Variants in LARGE1 observed in about 807,000 individuals in gnomAD.
LARGE1 encodes LARGE xylosyl- and glucuronyltransferase 1, also known as xylosyl- and glucuronyltransferase LARGE1.
Under a neutral mutation model 87.6 loss-of-function variants are expected in LARGE1, and 43 were observed. That is an observed-to-expected ratio of 0.49 (90% CI 0.38 to 0.63). The LOEUF (loss-of-function observed/expected upper bound fraction) is 0.63. Among genes scored for constraint, LARGE1 ranks in the 30% least tolerant of loss-of-function variants. LARGE1 has a pLI of 0.00. For synonymous variants in LARGE1, 434 were observed against 394.6 expected (o/e 1.10, Z -1.18); for missense variants, 802 against 1,000.2 (o/e 0.80, Z 2.67).
At chr22:33,727,803 A>G (rs239322) in intron 2 of LARGE1, among the ~76,000 whole-genome samples, 47,330 of 152,070 alleles carry the variant, frequency 0.31, 8,048 homozygotes, top group Admixed American at 0.45. Context: ...AACACAGAAA[A>G]CCAAGGCAAC....
chr22:33,502,729 T>C lies in LARGE1; in HGVS notation c.787+62119A>G, dbSNP rs1033707234. Among the ~76,000 whole-genome samples the C allele has an allele frequency of 6.6e-5, 10 of 152,130 alleles. No homozygotes were observed. In the East Asian group the frequency reaches 1.2e-3, roughly 18 times the overall value. On this transcript the variant is annotated intron_variant, in intron 6 of 14. Transcript: ENST00000397394. ...GACTACAGGCGCCTGCCACCACGCC[T>C]GGCTAATTTTTGTGTTTTTAGTAGA...
At chr22:33,390,887 G>T (rs556225130) in intron 7 of LARGE1, among the ~76,000 whole-genome samples, 38 of 152,088 alleles carry the variant, frequency 2.5e-4, no homozygotes, top group African/African-American at 8.9e-4. Flanking sequence ...AAGAGAGAAG[G>T]GGTTTCACCA....
chr22:33,859,463 G>A (rs1337534272), intron 1 of LARGE1, among the ~76,000 whole-genome samples: 1 of 152,188 alleles, frequency 6.6e-6, no homozygotes, highest in Non-Finnish European at 1.5e-5. Context: ...GCTTCTGGAA[G>A]AAGTGTTGTC....
At chr22:33,196,345 G>T (rs1924081548) in intron 11 of LARGE1, among the ~76,000 whole-genome samples, 2 of 152,028 alleles carry the variant, frequency 1.3e-5, no homozygotes, top group Admixed American at 6.6e-5. Context: ...GACTTCAAAA[G>T]GGTATGAAGC....
chr22:33,884,659 C>T (rs1173627644), intron 1 of LARGE1, among the ~76,000 whole-genome samples: 2 of 152,196 alleles, frequency 1.3e-5, no homozygotes, highest in Admixed American at 6.5e-5. Flanking sequence ...TGCGGAGGGC[C>T]GGCAACCCCG....
chr22:33,238,492 C>T (rs959541885), intron 11 of LARGE1, among the ~76,000 whole-genome samples: 6 of 152,150 alleles, frequency 3.9e-5, no homozygotes, highest in African/African-American at 1.4e-4. Context: ...TAAACAATCT[C>T]ATGAGCAAAC....
intron 2 of LARGE1, among the ~76,000 whole-genome samples, chr22:33,678,794 G>A (rs927222204): frequency 5.9e-5 from 9 of 152,296 alleles, no homozygotes; most frequent in Admixed American, 3.9e-4. Flanking sequence ...AGGAAGAGGC[G>A]CATCTGCGAC....
rs1254409268 is a variant in LARGE1 at position 33,274,464 on chromosome 22, G to T, written c.2234C>A (p.Ala745Asp). The change falls in exon 15 of 15, where the codon GCT (alanine) becomes GAT (aspartate). Residue 745 changes from alanine (A) to aspartate (D), a missense_variant. Transcript: ENST00000397394. ...CTCGGCTGTGAGATATTTCAGGGCA[G>T]CAAAGCCGTAGCGGCGGGACATGTC... is the stretch of plus-strand genomic sequence containing the variant. Reference protein sequence around the residue: ...QQDMSRRYGFAALKYLTAENN... With the variant: ...QQDMSRRYGFDALKYLTAENN... 6.2e-7 allele frequency: 1 copy of T among 1,614,076 alleles called. No individual in the cohort carries two copies. The highest frequency in any genetic ancestry group is 8.5e-7 in the Non-Finnish European group (1 of 1,180,048).
At position 33,807,758 on chromosome 22, in the gene LARGE1, T is replaced by C. The variant is rs1239472379; in HGVS notation, c.-82-46200A>G. On this transcript the variant is annotated intron_variant, in intron 1 of 14. Transcript: ENST00000397394. ...AATGTCACAGTTGGAAAACAGTAAG[T>C]AGCCTTTTCAAATTGGCTTCTTTCA... Among the ~76,000 whole-genome samples, 3 of 152,252 alleles carry C rather than the reference T, an allele frequency of 2.0e-5. No individual in the cohort carries two copies. The East Asian group carries it at 5.8e-4, about 29-fold the overall frequency.
chr22:33,108,105 C>G, the LARGE1 span, among the ~76,000 whole-genome samples: 4 of 151,986 alleles, frequency 2.6e-5, no homozygotes, highest in Admixed American at 2.6e-4. Context: ...CTTTTTTCAT[C>G]TAAATTACAT....
chr22:33,429,379 G>C (rs1284884930), intron 7 of LARGE1, among the ~76,000 whole-genome samples: 1 of 152,146 alleles, frequency 6.6e-6, no homozygotes, highest in Non-Finnish European at 1.5e-5. Context: ...TGCCCTTTCA[G>C]TACCAGCGAG....
At chr22:33,572,120 T>G (rs1219602071) in intron 5 of LARGE1, 1 of 896,644 alleles carries the variant, frequency 1.1e-6, no homozygotes, top group Non-Finnish European at 1.6e-6. Context: ...CTGGAAATAT[T>G]TTTTGCTCAA....
At chr22:33,487,264 T>G (rs2069628644) in intron 6 of LARGE1, among the ~76,000 whole-genome samples, 1 of 152,232 alleles carries the variant, frequency 6.6e-6, no homozygotes, top group Non-Finnish European at 1.5e-5. Context: ...AAAGAGTCTA[T>G]TCAAACTGGT....
chr22:33,195,485 C>A (rs953818097), intron 11 of LARGE1, among the ~76,000 whole-genome samples: 3 of 151,642 alleles, frequency 2.0e-5, no homozygotes, highest in Non-Finnish European at 4.4e-5. Flanking sequence ...AATACTTATC[C>A]GACATCAGCA....
At chr22:33,586,378 C>A (rs1401636723) in intron 5 of LARGE1, among the ~76,000 whole-genome samples, 2 of 152,120 alleles carry the variant, frequency 1.3e-5, no homozygotes, top group Non-Finnish European at 2.9e-5. Flanking sequence ...TGCAGGTGAG[C>A]CAAACCCCAT....
At chr22:33,581,607 C>A (rs1429316513) in intron 5 of LARGE1, among the ~76,000 whole-genome samples, 2 of 151,880 alleles carry the variant, frequency 1.3e-5, no homozygotes, top group South Asian at 2.1e-4. Context: ...AGGTCAAGAG[C>A]TCAAGACCAG....
intron 1 of LARGE1, among the ~76,000 whole-genome samples, chr22:33,885,477 G>C (rs1445820005): frequency 6.6e-6 from 1 of 152,106 alleles, no homozygotes; most frequent in Non-Finnish European, 1.5e-5. Flanking sequence ...AAATAGGAAT[G>C]TTTATCTCAT....
At chr22:33,102,108 T>C in the LARGE1 span, among the ~76,000 whole-genome samples, 824 of 151,630 alleles carry the variant, frequency 5.4e-3, 4 homozygotes, top group African/African-American at 0.019. Context: ...ATAAACTGTT[T>C]CCCTTTCCTT....
At chr22:33,210,304 G>A (rs530552281) in intron 11 of LARGE1, among the ~76,000 whole-genome samples, 8 of 152,210 alleles carry the variant, frequency 5.3e-5, no homozygotes, top group East Asian at 1.9e-4. Context: ...GCAGATAGAC[G>A]GGGGTGGCAC....
Sources: allele counts gnomAD v4.1 joint callset (sites outside exome capture counted in the v4.1 genomes callset), GRCh38; gene constraint gnomAD v4.1.1; transcripts MANE v1.5; gene names NCBI Gene and HGNC (gene_info 2026-07-23, HGNC 2026-07-21).